Variants in FSD1 observed in about 807,000 individuals in gnomAD.
The protein encoded by FSD1 is fibronectin type III and SPRY domain-containing protein 1.
Under a neutral mutation model 58.2 loss-of-function variants are expected in FSD1, and 23 were observed. The observed-to-expected ratio is 0.40, with a 90% CI of 0.28 to 0.56. The LOEUF (loss-of-function observed/expected upper bound fraction) is 0.56. Ranked by LOEUF, FSD1 falls within the 20% of genes least tolerant of loss-of-function variation. The pLI, the probability that FSD1 is intolerant of heterozygous loss-of-function variation, is 0.54. For synonymous variants in FSD1, 265 were observed against 263.4 expected (o/e 1.01, Z -0.06); for missense variants, 563 against 670.8 (o/e 0.84, Z 1.78).
At chr19:4,321,983 G>C (rs111896312) in intron 10 of FSD1, among the ~76,000 whole-genome samples, 19 of 150,824 alleles carry the variant, frequency 1.3e-4, no homozygotes, top group African/African-American at 3.2e-4. Context: ...GGATCCCGAG[G>C]AGTATCTGGG....
intron 1 of FSD1, among the ~76,000 whole-genome samples, chr19:4,305,486 C>T (rs2144752867): frequency 6.6e-6 from 1 of 152,196 alleles, no homozygotes; most frequent in Middle Eastern, 3.4e-3. Context: ...TAGCCCCTCA[C>T]GCCCCACCTT....
chr19:4,307,790 G>A, intron 3 of FSD1, 92 bp from the exon 4 acceptor site: 2 of 881,270 alleles, frequency 2.3e-6, no homozygotes, highest in Non-Finnish European at 1.7e-6. Context: ...AGAAGGGCAT[G>A]GTACCCTGGA....
At chr19:4,313,034 G>T (rs1971712133) in intron 7 of FSD1, among the ~76,000 whole-genome samples, 1 of 151,600 alleles carries the variant, frequency 6.6e-6, no homozygotes, top group Non-Finnish European at 1.5e-5. Context: ...AGTATTTGGG[G>T]TCCTCCTTGG....
Position 4,310,601 on chromosome 19 carries a change from G to A in FSD1, c.490+5G>A. ...AGGCACTCAAGTTCCTGCCTGGTGA[G>A]AGGGGCACGCACTAGAGGGCCAGGA... On this transcript the variant is annotated splice_donor_5th_base_variant and intron_variant, in intron 6 of 12. Coordinates refer to ENST00000221856, the MANE Select transcript of FSD1 (RefSeq NM_024333.3). 1 of 1,611,974 alleles carries A rather than the reference G, an allele frequency of 6.2e-7. No homozygotes were observed. The highest frequency in any genetic ancestry group is 8.5e-7 in the Non-Finnish European group (1 of 1,179,680).
intron 7 of FSD1, among the ~76,000 whole-genome samples, chr19:4,314,821 T>C (rs1971735946): frequency 6.6e-6 from 1 of 152,182 alleles, no homozygotes; most frequent in Non-Finnish European, 1.5e-5. Context: ...ATTCGGGTGT[T>C]CCACACAGTT....
At chr19:4,320,828 G>A (rs1246339408) in intron 10 of FSD1, among the ~76,000 whole-genome samples, 1 of 151,132 alleles carries the variant, frequency 6.6e-6, no homozygotes, top group African/African-American at 2.4e-5. Context: ...GTATCTGGGG[G>A]AAATAGCTGG....
At chr19:4,307,672 C>T (rs965765679) in intron 3 of FSD1, among the ~76,000 whole-genome samples, 3 of 151,998 alleles carry the variant, frequency 2.0e-5, no homozygotes, top group Admixed American at 6.6e-5. Context: ...CCCGGCCTTA[C>T]GTGTTTTTAG....
Position 4,305,807 on chromosome 19 carries a change from CATGT to C in FSD1, c.16-138_16-135del, listed in dbSNP as rs571597390. The C allele has an allele frequency of 2.2e-3, 1,481 of 685,406 alleles. 4 individuals carry two copies. The highest frequency in any genetic ancestry group is 3.3e-3 in the Non-Finnish European group (1,246 of 382,346). 42.5% of individuals were successfully genotyped at this position (685,406 alleles called of 1,614,324 possible). On this transcript the variant is annotated intron_variant, in intron 1 of 12. Transcript: ENST00000221856. Reference sequence around the variant, plus strand: ...CCGTGTGTGTGTGCGCATGTGTGTGCATGTGTGTGCGCACGCGTGTGCATTTATG... The same window carrying C: ...CCGTGTGTGTGTGCGCATGTGTGTGCGTGTGCGCACGCGTGTGCATTTATG...
chr19:4,311,686 A>C, intron 6 of FSD1, 156 bp from the exon 7 acceptor site: 1 of 175,588 alleles, frequency 5.7e-6, no homozygotes. Context: ...CTCTGTCTCT[A>C]AAAAAAAAAA....
chr19:4,312,524 C>A (rs575080344), intron 7 of FSD1, among the ~76,000 whole-genome samples: 1 of 150,670 alleles, frequency 6.6e-6, no homozygotes, highest in Non-Finnish European at 1.5e-5. Flanking sequence ...TGAATATAGG[C>A]CGGGCGCGGT....
At chr19:4,304,835 G>A in intron 1 of FSD1, 74 bp downstream of exon 1, 1 of 494,946 alleles carries the variant, frequency 2.0e-6, no homozygotes, top group African/African-American at 2.0e-5. Flanking sequence ...TTGCCGCAGC[G>A]CCCCCACTCC....
In FSD1 at chr19:4,311,738, C is replaced by T. The variant is rs1488933449; in HGVS notation, c.491-104C>T. The T allele has an allele frequency of 6.2e-6, 6 of 968,630 alleles. No individual in the cohort carries two copies. In the Admixed American group the frequency reaches 7.9e-5, roughly 13 times the overall value. 60.0% of individuals were successfully genotyped at this position (968,630 alleles called of 1,614,324 possible). On this transcript the variant is annotated intron_variant, in intron 6 of 12. Transcript: ENST00000221856. ...AACATGGAACCCCTTTGTGGCCATG[C>T]CCCCAAAATTGTCCAACATGTGGTT...
At chr19:4,317,136 C>A in intron 7 of FSD1, 46 bp from the exon 8 acceptor site, 1 of 1,069,760 alleles carries the variant, frequency 9.3e-7, no homozygotes, top group African/African-American at 1.5e-5. Flanking sequence ...GACTCAGAGT[C>A]TCAGGGAATA....
chr19:4,318,850 GC>G (rs1971783868), intron 9 of FSD1, 21 bp from the exon 10 acceptor site: 1 of 1,602,052 alleles, frequency 6.2e-7, no homozygotes, highest in African/African-American at 1.3e-5. Flanking sequence ...TCCTGAGCCT[GC>G]CCACTCCCTG....
intron 10 of FSD1, among the ~76,000 whole-genome samples, chr19:4,321,666 G>A (rs1161368585): frequency 6.6e-6 from 1 of 151,850 alleles, no homozygotes; most frequent in Non-Finnish European, 1.5e-5. Context: ...GGGGCCCAAG[G>A]AGTATCTGGA....
At position 4,308,732 on chromosome 19, in the gene FSD1, C is replaced by A. The variant is rs1241885950; in HGVS notation, c.345+749C>A. 2.0e-5 allele frequency among the ~76,000 whole-genome samples: 3 copies of A among 152,088 alleles called. No homozygotes were observed. The East Asian group carries it at 5.9e-4, about 30-fold the overall frequency. The stretch of plus-strand genomic sequence containing the variant: ...AATTAGCCGGGCGTGGTGGCGGGCA[C>A]CTGTAGTTCCAGCTACTCGGGAGGC... On this transcript the variant is annotated intron_variant, in intron 4 of 12. Coordinates refer to ENST00000221856, the MANE Select transcript of FSD1 (RefSeq NM_024333.3).
intron 6 of FSD1, chr19:4,311,623 G>T: frequency 1.9e-6 from 1 of 516,094 alleles, no homozygotes; most frequent in South Asian, 2.1e-5. Context: ...GTCGGAGGTT[G>T]CAGTGAGCCA....
Position 4,322,926 on chromosome 19 carries a change from G to A in FSD1, c.1040-60G>A, listed in dbSNP as rs571504763. 2.1e-5 allele frequency: 33 copies of A among 1,542,798 alleles called. No individual in the cohort carries two copies. The African/African-American group carries it at 3.8e-4, about 18-fold the overall frequency. On this transcript the variant is annotated intron_variant, in intron 10 of 12. Coordinates refer to ENST00000221856, the MANE Select transcript of FSD1 (RefSeq NM_024333.3). ...CTTGGGGGCTGGCCCTTTGTGGAAG[G>A]GCATCTGTGGCCCAGTTCTATCCAG...
Position 4,323,499 on chromosome 19 carries a change from T to TGTGGGGGG in FSD1, c.1381-33_1381-32insTGGGGGGG. 1 of 1,577,816 alleles carries TGTGGGGGG rather than the reference T, an allele frequency of 6.3e-7. No homozygotes were observed. The highest frequency in any genetic ancestry group is 8.7e-7 in the Non-Finnish European group (1 of 1,148,720). ...GGTGCTGGGCGCTGGGGTTTGAAGC[T>TGTGGGGGG]GAGCCCCTCCCCCCTCCCCCCGCTG... is the stretch of plus-strand genomic sequence containing the variant. On this transcript the variant is annotated intron_variant, in intron 12 of 12. Transcript: ENST00000221856. This position sits in a 1 kb window ranked among gnomAD's most constrained non-coding sequence, Gnocchi z 7.7.
Sources: gnomAD v4.1 joint callset for allele counts (sites outside exome capture counted in the v4.1 genomes callset) on GRCh38, gnomAD v4.1.1 for gene constraint, Gnocchi (gnomAD v3.1) non-coding constraint, MANE v1.5 for transcripts, NCBI Gene and HGNC (gene_info 2026-07-23, HGNC 2026-07-21) for gene names.